AKAP8: variants seen among roughly 807,000 people sequenced by gnomAD.
AKAP8 encodes A-kinase anchor protein 8.
Under a neutral mutation model 67.5 loss-of-function variants are expected in AKAP8, and 24 were observed. The observed-to-expected ratio is 0.36, with a 90% CI of 0.26 to 0.50. The LOEUF is 0.50. Ranked by LOEUF, AKAP8 falls within the 20% of genes least tolerant of loss-of-function variation. The pLI, the probability that AKAP8 is intolerant of heterozygous loss-of-function variation, is 0.97. For synonymous variants in AKAP8, 400 were observed against 371.1 expected (o/e 1.08, Z -0.90); for missense variants, 971 against 955.9 (o/e 1.02, Z -0.21).
At chr19:15,372,587 G>A (rs961889706) in intron 5 of AKAP8, among the ~76,000 whole-genome samples, 1 of 152,044 alleles carries the variant, frequency 6.6e-6, no homozygotes, top group African/African-American at 2.4e-5. Context: ...CACAAATCCA[G>A]AGACCAGTGG....
chr19:15,368,641 T>C (rs1324434254), intron 8 of AKAP8: 1 of 985,194 alleles, frequency 1.0e-6, no homozygotes, highest in Non-Finnish European at 1.2e-6. Flanking sequence ...TTGTCCAATC[T>C]CATGCCCTGC....
At chr19:15,374,460 C>T (rs2145085562) in intron 3 of AKAP8, 143 bp downstream of exon 3, 1 of 1,024,436 alleles carries the variant, frequency 9.8e-7, no homozygotes, top group Non-Finnish European at 1.4e-6. Context: ...CCCCCATATA[C>T]ACAACAGCAG....
chr19:15,370,457 G>A (rs1032463093), intron 7 of AKAP8, among the ~76,000 whole-genome samples: 1 of 152,108 alleles, frequency 6.6e-6, no homozygotes, highest in Non-Finnish European at 1.5e-5. Context: ...CTAAGCTGCA[G>A]AACTGCCTGC....
At chr19:15,378,087 A>G (rs1330574560) in intron 1 of AKAP8, among the ~76,000 whole-genome samples, 1 of 152,226 alleles carries the variant, frequency 6.6e-6, no homozygotes, top group Non-Finnish European at 1.5e-5. Context: ...GCGTGCCGAT[A>G]CACCGCAAGC....
intron 1 of AKAP8, among the ~76,000 whole-genome samples, chr19:15,377,688 T>G (rs1315846630): frequency 6.6e-6 from 1 of 152,158 alleles, no homozygotes; most frequent in African/African-American, 2.4e-5. Flanking sequence ...CAGGATGGTC[T>G]CGATCTCCTG....
chr19:15,368,229 C>T lies in AKAP8; in HGVS notation c.1160+6G>A, dbSNP rs759315544. 1.3e-5 allele frequency: 21 copies of T among 1,611,144 alleles called. No individual in the cohort carries two copies. Among genetic ancestry groups the T allele is most frequent in the Admixed American group, 3.3e-5 (2 of 60,006 alleles). ...CCTCCTGTGGGGTCGTGTGCCCGCG[C>T]CTCACCTGTCGGCTGCACGGTCCCG... On this transcript the variant is annotated splice_donor_region_variant and intron_variant, in intron 9 of 13. Coordinates refer to ENST00000269701, the MANE Select transcript of AKAP8 (RefSeq NM_005858.4).
Position 15,355,032 on chromosome 19 carries a change from C to T in AKAP8, c.1962G>A (p.Glu654=), listed in dbSNP as rs201090278. 70 of 1,614,190 alleles carry T rather than the reference C, an allele frequency of 4.3e-5. No homozygotes were observed. The Admixed American group carries it at 1.2e-3, about 27-fold the overall frequency. The change falls in exon 14 of 14, where the codon GAG becomes GAA. Residue 654 remains glutamate, a synonymous_variant. Transcript: ENST00000269701. ...CACTTTCTGCCTCTGCTGCCATTGTCTCGGCGCCATTTCCAGCCTCTGCAG... is the reference window on the plus strand; with the variant it reads ...CACTTTCTGCCTCTGCTGCCATTGTTTCGGCGCCATTTCCAGCCTCTGCAG... The part of the protein sequence containing the change: ...SEAAEAGNGA[E]TMAAEAESAQ...
intron 12 of AKAP8, among the ~76,000 whole-genome samples, chr19:15,359,287 T>G: frequency 6.6e-6 from 1 of 152,214 alleles, no homozygotes; most frequent in South Asian, 2.1e-4. Flanking sequence ...GCACCACTGA[T>G]ACCCATGTAG....
chr19:15,362,285 G>A, intron 9 of AKAP8, 34 bp from the exon 10 acceptor site: 1 of 1,612,132 alleles, frequency 6.2e-7, no homozygotes, highest in Non-Finnish European at 8.5e-7. Flanking sequence ...GAGTGAAGCA[G>A]GGAGCATCAG....
At chr19:15,362,000 G>C in intron 10 of AKAP8, 110 bp downstream of exon 10, 2 of 1,482,234 alleles carry the variant, frequency 1.3e-6, no homozygotes, top group Non-Finnish European at 1.8e-6. Context: ...CTCTATCTGG[G>C]AAAGGAAACC....
At position 15,355,352 on chromosome 19, in the gene AKAP8, T is replaced by C. The variant is rs2048271338; in HGVS notation, c.1642A>G (p.Ser548Gly). Reference sequence around the variant, plus strand: ...TCCATTTCTGGATCAACAGTTTCACTGGTGAAAGGGTCCTCACCCTGGCCA... The same window carrying C: ...TCCATTTCTGGATCAACAGTTTCACCGGTGAAAGGGTCCTCACCCTGGCCA... ...KYLKGEDPFT[S>G]ETVDPEMEGD... is the part of the protein sequence containing the mutation. Residue 548 changes from serine (S) to glycine (G), a missense_variant, in exon 14 of 14, where the codon AGT becomes GGT. By Grantham distance (56) the Ser-to-Gly change is moderately conservative (BLOSUM62 0). This residue lies in a region of AKAP8 where 4 missense variants were observed against 17.5 expected (regional missense o/e 0.23). Coordinates refer to ENST00000269701, the MANE Select transcript of AKAP8 (RefSeq NM_005858.4). The C allele has an allele frequency of 6.2e-7, 1 of 1,613,330 alleles. No homozygotes were observed. Among genetic ancestry groups the C allele is most frequent in the African/African-American group, 1.3e-5 (1 of 74,922 alleles).
In AKAP8 at chr19:15,354,678, A is replaced by G. The variant is rs2048265322; in HGVS notation, c.*237T>C. ...ATTCCAAGTGCACTACTGTCAAGAGACATGTTACAGCCGCTAAGGACAATG... is the reference window on the plus strand; with the variant it reads ...ATTCCAAGTGCACTACTGTCAAGAGGCATGTTACAGCCGCTAAGGACAATG... On this transcript the variant is annotated 3_prime_UTR_variant, in exon 14 of 14. Transcript: ENST00000269701. 1 of 567,390 alleles carries G rather than the reference A, an allele frequency of 1.8e-6. No individual in the cohort carries two copies. The highest frequency in any genetic ancestry group is 1.9e-5 in the African/African-American group (1 of 53,498). 35.1% of individuals were successfully genotyped at this position (567,390 alleles called of 1,614,324 possible).
At chr19:15,368,502 T>C in intron 8 of AKAP8, 180 bp from the exon 9 acceptor site, 2 of 985,272 alleles carry the variant, frequency 2.0e-6, no homozygotes, top group Non-Finnish European at 2.4e-6. Context: ...GACACGGGCC[T>C]GGAGTGAGAG....
Position 15,369,090 on chromosome 19 carries a change from T to A in AKAP8, c.1073-768A>T. The A allele has an allele frequency of 1.0e-6, 1 of 985,426 alleles. No homozygotes were observed. The highest frequency in any genetic ancestry group is 1.2e-6 in the Non-Finnish European group (1 of 830,010). The allele number at this position is 985,426 out of a possible 1,614,324, so 61.0% of individuals were successfully genotyped here. A position where few individuals can be genotyped will look rare whatever the true frequency, so the allele number is the denominator to read the frequency against. On this transcript the variant is annotated intron_variant, in intron 8 of 13. Transcript: ENST00000269701. This position sits in a 1 kb window ranked among gnomAD's most constrained non-coding sequence, Gnocchi z 4.6. ...ACCCCTGATGCCAGTCCCGAGACTG[T>A]CCCACGAAGATGGCGACCGGCGTGC...
In AKAP8 at chr19:15,362,221, G is replaced by T. The variant is rs1328901813; in HGVS notation, c.1191C>A (p.Phe397Leu). 1.2e-5 allele frequency: 19 copies of T among 1,613,974 alleles called. No homozygotes were observed. The highest frequency in any genetic ancestry group is 1.4e-5 in the Non-Finnish European group (17 of 1,180,004). ...RIQFACSVCK[F>L]RSFDDEEIQK... ...GGATCTCTTCGTCATCAAAGCTACG[G>T]AACTTGCATACAGAACAGGCAAACT... Residue 397 changes from phenylalanine (F) to leucine (L), a missense_variant, in exon 10 of 14, where the codon TTC (phenylalanine) becomes TTA (leucine). By Grantham distance (22) the Phe-to-Leu change is conservative. Transcript: ENST00000269701.
Position 15,368,958 on chromosome 19 carries a change from G to A in AKAP8, c.1073-636C>T, listed in dbSNP as rs893465902. On this transcript the variant is annotated intron_variant, in intron 8 of 13. Transcript: ENST00000269701. ...CAATTGGTCCTCCCGTCCGTCCCCC[G>A]GGGCCAGCAGAGGAGCTCCTCGGAG... 1.0e-5 allele frequency: 10 copies of A among 985,982 alleles called. 1 individual carries two copies. Among genetic ancestry groups the A allele is most frequent in the East Asian group, 2.3e-4 (2 of 8,766 alleles). The allele number at this position is 985,982 out of a possible 1,614,324, so 61.1% of individuals were successfully genotyped here. A position where few individuals can be genotyped will look rare whatever the true frequency, so the allele number is the denominator to read the frequency against.
At chr19:15,360,726 A>G in intron 12 of AKAP8, 122 bp downstream of exon 12, 3 of 1,236,116 alleles carry the variant, frequency 2.4e-6, no homozygotes, top group Non-Finnish European at 3.3e-6. Context: ...CATCGATGGA[A>G]GTGATAGACT....
intron 12 of AKAP8, 137 bp downstream of exon 12, chr19:15,360,711 C>G (rs549362656): frequency 4.5e-6 from 5 of 1,120,146 alleles, no homozygotes; most frequent in Non-Finnish European, 6.1e-6. Flanking sequence ...ACGAATCTTA[C>G]GACCCATCGA....
rs1967133461 is a variant in AKAP8 at position 15,370,322 on chromosome 19, T to A, written c.1039-143A>T. 7.9e-6 allele frequency: 7 copies of A among 880,538 alleles called. No homozygotes were observed. The Admixed American group carries it at 1.4e-4, about 18-fold the overall frequency. The allele number at this position is 880,538 out of a possible 1,614,324, so 54.5% of individuals were successfully genotyped here. The stretch of plus-strand genomic sequence containing the variant: ...GCCACCAAGAATGAGCCACAGTGTG[T>A]TAGGACCAGCCTCCGGGGCTCAGGA... On this transcript the variant is annotated intron_variant, in intron 7 of 13. Coordinates refer to ENST00000269701, the MANE Select transcript of AKAP8 (RefSeq NM_005858.4).
Sources: allele counts gnomAD v4.1 joint callset (sites outside exome capture counted in the v4.1 genomes callset), GRCh38; gene constraint gnomAD v4.1.1; regional missense constraint gnomAD v4.1.1; non-coding constraint Gnocchi (gnomAD v3.1); transcripts MANE v1.5; gene names NCBI Gene and HGNC (gene_info 2026-07-23, HGNC 2026-07-21).